CDKAL1: variants seen among roughly 807,000 people sequenced by gnomAD.
CDKAL1 encodes the protein CDKAL1 threonylcarbamoyladenosine tRNA methylthiotransferase.
In CDKAL1, 32 loss-of-function variants were observed where a neutral mutation model predicts 68.2. That is an observed-to-expected ratio of 0.47 (90% CI 0.35 to 0.63). The LOEUF (loss-of-function observed/expected upper bound fraction) is 0.63, where lower values mean the gene tolerates loss of function less well. Among genes scored for constraint, CDKAL1 ranks in the 30% least tolerant of loss-of-function variants. The pLI, the probability that CDKAL1 is intolerant of heterozygous loss-of-function variation, is 0.00. For synonymous variants in CDKAL1, 234 were observed against 244.3 expected (o/e 0.96, Z 0.39); for missense variants, 606 against 696.7 (o/e 0.87, Z 1.47).
intron 5 of CDKAL1, chr6:20,722,402 G>A (rs541194769): frequency 2.8e-4 from 66 of 235,320 alleles, no homozygotes; most frequent in African/African-American, 1.4e-3. Context: ...TTAATAGGCA[G>A]CATTCTCTTA....
intron 5 of CDKAL1, among the ~76,000 whole-genome samples, chr6:20,672,622 TG>T (rs2127782397): frequency 6.6e-6 from 1 of 152,330 alleles, no homozygotes; most frequent in South Asian, 2.1e-4. Flanking sequence ...CCCGCAGTGC[TG>T]GGATTACAGG....
chr6:21,033,175 G>C (rs1371807437), intron 11 of CDKAL1, among the ~76,000 whole-genome samples: 1 of 152,120 alleles, frequency 6.6e-6, no homozygotes, highest in East Asian at 1.9e-4. Context: ...GGACTTAGAA[G>C]TTATGCCTGT....
intron 13 of CDKAL1, among the ~76,000 whole-genome samples, chr6:21,136,645 C>T (rs1005178174): frequency 2.0e-5 from 3 of 152,126 alleles, no homozygotes; most frequent in Non-Finnish European, 2.9e-5. Flanking sequence ...TGCTCTTTCT[C>T]CTAAGAACTA....
At chr6:20,750,960 A>G (rs1381254659) in intron 6 of CDKAL1, among the ~76,000 whole-genome samples, 3 of 74,942 alleles carry the variant, frequency 4.0e-5, no homozygotes, top group Non-Finnish European at 9.1e-5. Flanking sequence ...TGAAAAAAAA[A>G]AAAAAAAAAA....
intron 4 of CDKAL1, among the ~76,000 whole-genome samples, chr6:20,584,523 G>T (rs997492666): frequency 3.7e-4 from 57 of 152,314 alleles, no homozygotes; most frequent in African/African-American, 1.3e-3. Flanking sequence ...AGGAAGGTGG[G>T]ATGTGGTTGG....
At chr6:20,571,353 G>A (rs1253190910) in intron 4 of CDKAL1, among the ~76,000 whole-genome samples, 1 of 83,218 alleles carries the variant, frequency 1.2e-5, no homozygotes, top group African/African-American at 3.7e-5. Context: ...GTTGTGTTAT[G>A]TATTCAGCAG....
chr6:20,976,428 T>G (rs925209386), intron 10 of CDKAL1, among the ~76,000 whole-genome samples: 2 of 152,226 alleles, frequency 1.3e-5, no homozygotes, highest in Non-Finnish European at 2.9e-5. Context: ...GTTCCTTCAT[T>G]TATGATGACT....
chr6:20,949,978 C>T (rs532316157), intron 9 of CDKAL1, among the ~76,000 whole-genome samples: 1 of 151,950 alleles, frequency 6.6e-6, no homozygotes, highest in Admixed American at 6.6e-5. Context: ...TTAGTAGAGA[C>T]GAGGTTTCAC....
At chr6:20,956,648 A>G (rs1318111834) in intron 10 of CDKAL1, among the ~76,000 whole-genome samples, 1 of 152,200 alleles carries the variant, frequency 6.6e-6, no homozygotes, top group Non-Finnish European at 1.5e-5. Context: ...TGCAAATGCT[A>G]ATGAATAGCT....
At chr6:20,764,959 C>T (rs543389327) in intron 7 of CDKAL1, among the ~76,000 whole-genome samples, 2 of 151,982 alleles carry the variant, frequency 1.3e-5, no homozygotes, top group East Asian at 1.9e-4. Context: ...CCAGTCTCAT[C>T]GGTGTAAGTA....
intron 13 of CDKAL1, among the ~76,000 whole-genome samples, chr6:21,139,655 C>T (rs1775803671): frequency 6.6e-6 from 1 of 152,022 alleles, no homozygotes. Flanking sequence ...GGACTACAGG[C>T]ACGCACCACC....
At chr6:21,014,320 C>T (rs80078563) in intron 11 of CDKAL1, among the ~76,000 whole-genome samples, 3,330 of 152,182 alleles carry the variant, frequency 0.022, 116 homozygotes, top group African/African-American at 0.075. Flanking sequence ...AAAAAGTTCT[C>T]GGGCCGGGTG....
rs147423246 is a variant in CDKAL1 at position 20,579,414 on chromosome 6, A to C, written c.286+30709A>C. ...AAAGATGCTTGTAATCAGTGCCCTT[A>C]TTTTTGTTCAGAATTATATCAACCT... is the stretch of plus-strand genomic sequence containing the variant. On this transcript the variant is annotated intron_variant, in intron 4 of 15. Coordinates refer to ENST00000274695, the MANE Select transcript of CDKAL1 (RefSeq NM_017774.3). 2.3e-3 allele frequency among the ~76,000 whole-genome samples: 346 copies of C among 152,290 alleles called. 1 individual carries two copies. The highest frequency in any genetic ancestry group is 6.8e-3 in the Middle Eastern group (2 of 294).
chr6:20,729,877 G>A lies in CDKAL1; in HGVS notation c.372-9642G>A, dbSNP rs375735597. 4.6e-5 allele frequency among the ~76,000 whole-genome samples: 7 copies of A among 152,214 alleles called. No homozygotes were observed. In the East Asian group the frequency reaches 1.2e-3, roughly 25 times the overall value. On this transcript the variant is annotated intron_variant, in intron 5 of 15. Coordinates refer to ENST00000274695, the MANE Select transcript of CDKAL1 (RefSeq NM_017774.3). ...GTGGTTGTACTTTTAGTTCTCTCCT[G>A]TTTCCTTTTTGCTGCTACAATGTGC...
At chr6:21,147,370 C>T (rs763367432) in intron 13 of CDKAL1, among the ~76,000 whole-genome samples, 22 of 152,180 alleles carry the variant, frequency 1.4e-4, no homozygotes, top group Non-Finnish European at 2.4e-4. Context: ...GAGTAACTAA[C>T]TTCCTTATGA....
rs957467780 is a variant in CDKAL1, at chr6:21,067,504, C to T, written c.1236+2276C>T. ...GTGGGCGCCTGTAGTCTCAGCTATT[C>T]GGGAGGCTGAGGCAGAAGAATGGCG... On this transcript the variant is annotated intron_variant, in intron 12 of 15. Transcript: ENST00000274695. Among the ~76,000 whole-genome samples the T allele has an allele frequency of 4.6e-5, 7 of 152,080 alleles. 1 individual carries two copies. In the South Asian group the frequency reaches 6.2e-4, roughly 14 times the overall value.
chr6:21,062,699 A>T (rs980776439), intron 11 of CDKAL1, among the ~76,000 whole-genome samples: 2 of 152,174 alleles, frequency 1.3e-5, no homozygotes, highest in African/African-American at 2.4e-5. Context: ...AAAATATTTT[A>T]AAAAATAGAT....
chr6:21,145,826 A>G (rs911921665), intron 13 of CDKAL1, among the ~76,000 whole-genome samples: 6 of 152,162 alleles, frequency 3.9e-5, no homozygotes, highest in African/African-American at 1.4e-4. Flanking sequence ...CTTGAACCCA[A>G]GAGTTCAAGG....
chr6:21,181,477 T>C (rs1379004571), intron 13 of CDKAL1, among the ~76,000 whole-genome samples: 1 of 152,212 alleles, frequency 6.6e-6, no homozygotes, highest in Non-Finnish European at 1.5e-5. Context: ...TCTTTGCCCT[T>C]CTACCTTCTG....
Sources: allele counts gnomAD v4.1 joint callset (sites outside exome capture counted in the v4.1 genomes callset), GRCh38; gene constraint gnomAD v4.1.1; transcripts MANE v1.5; gene names NCBI Gene and HGNC (gene_info 2026-07-23, HGNC 2026-07-21).